The following CSMD1 variants were observed in gnomAD, a reference collection of about 807,000 sequenced individuals.
The protein encoded by CSMD1 is CUB and Sushi multiple domains 1, also known as CUB and sushi domain-containing protein 1.
A neutral mutation model predicts 417.5 loss-of-function variants in CSMD1; 213 were observed. That is an observed-to-expected ratio of 0.51 (90% CI 0.46 to 0.57). The LOEUF (loss-of-function observed/expected upper bound fraction) is 0.57, where lower values mean the gene tolerates loss of function less well. CSMD1 is among the 20% of genes least tolerant of loss of function. CSMD1 has a pLI of 0.00. For synonymous variants in CSMD1, 2,862 were observed against 1,736.8 expected (o/e 1.65, Z -16.11); for missense variants, 6,923 against 4,529.7 (o/e 1.53, Z -15.17).
chr8:4,660,404 A>G (rs551899077), intron 1 of CSMD1, among the ~76,000 whole-genome samples: 2 of 152,262 alleles, frequency 1.3e-5, no homozygotes, highest in South Asian at 4.1e-4. Context: ...ATTAAGCAAG[A>G]TACCATGTCA....
intron 7 of CSMD1, among the ~76,000 whole-genome samples, chr8:3,631,715 C>T (rs949868932): frequency 5.3e-5 from 8 of 152,114 alleles, no homozygotes; most frequent in Non-Finnish European, 1.2e-4. Context: ...TTTTACTGTT[C>T]GAGAAAAACT....
At chr8:4,383,904 A>C (rs552868660) in intron 3 of CSMD1, among the ~76,000 whole-genome samples, 132 of 152,204 alleles carry the variant, frequency 8.7e-4, no homozygotes, top group Non-Finnish European at 1.2e-3. Flanking sequence ...AGATACTCAT[A>C]AATGTTTATA....
At chr8:4,078,500 G>C (rs1030813931) in intron 3 of CSMD1, among the ~76,000 whole-genome samples, 1 of 151,614 alleles carries the variant, frequency 6.6e-6, no homozygotes, top group African/African-American at 2.4e-5. Flanking sequence ...TCCTGACCTT[G>C]TGATCTGCCC....
At position 4,637,349 on chromosome 8, in the gene CSMD1, T is replaced by G; in HGVS notation, c.295A>C (p.Lys99Gln). ...YDGQPQQGNL[K>Q]VRLSGFQLPS... ...AAAAAGTTGATACCTTACCTCACTT[T>G]TAAATTCCCTTGTTGAGGCTGTCCA... Residue 99 changes from lysine (K) to glutamine (Q), a missense_variant, in exon 2 of 70, where the codon AAA (lysine) becomes CAA (glutamine). Transcript: ENST00000635120. 6.2e-7 allele frequency: 1 copy of G among 1,612,736 alleles called. No homozygotes were observed.
intron 10 of CSMD1, among the ~76,000 whole-genome samples, chr8:3,571,966 C>A (rs981467602): frequency 6.6e-6 from 1 of 152,126 alleles, no homozygotes; most frequent in Non-Finnish European, 1.5e-5. Flanking sequence ...CTCGTGGATC[C>A]CCCTAAAGCG....
intron 3 of CSMD1, among the ~76,000 whole-genome samples, chr8:4,293,348 A>G (rs1231292638): frequency 1.3e-5 from 2 of 152,230 alleles, no homozygotes; most frequent in Non-Finnish European, 2.9e-5. Flanking sequence ...AAATATTAAT[A>G]TCTTACTAGT....
chr8:3,666,334 T>C (rs1439949506), intron 7 of CSMD1, among the ~76,000 whole-genome samples: 4 of 152,354 alleles, frequency 2.6e-5, no homozygotes, highest in East Asian at 3.9e-4. Flanking sequence ...GCAACTTAAA[T>C]GATATAAACG....
chr8:4,629,023 G>T (rs1410026036), intron 2 of CSMD1, among the ~76,000 whole-genome samples: 1 of 152,082 alleles, frequency 6.6e-6, no homozygotes, highest in African/African-American at 2.4e-5. Context: ...ATGGTAATTT[G>T]TATTGTAGAG....
chr8:4,787,143 A>G (rs1797442460), intron 1 of CSMD1, among the ~76,000 whole-genome samples: 1 of 152,190 alleles, frequency 6.6e-6, no homozygotes, highest in Admixed American at 6.5e-5. Flanking sequence ...CTATCCGCCT[A>G]TACCCCTCCG....
intron 3 of CSMD1, among the ~76,000 whole-genome samples, chr8:4,152,156 A>G (rs565044337): frequency 6.6e-6 from 1 of 152,286 alleles, no homozygotes; most frequent in South Asian, 2.1e-4. Flanking sequence ...TTGAAATTGG[A>G]TAATTTATAA....
intron 7 of CSMD1, among the ~76,000 whole-genome samples, chr8:3,676,247 A>G (rs1799369317): frequency 6.6e-6 from 1 of 152,172 alleles, no homozygotes; most frequent in African/African-American, 2.4e-5. Flanking sequence ...TCAGACATGT[A>G]CAGTTTTGAT....
chr8:3,024,551 C>T (rs992736544), intron 51 of CSMD1, among the ~76,000 whole-genome samples: 2 of 152,214 alleles, frequency 1.3e-5, no homozygotes, highest in Non-Finnish European at 2.9e-5. Context: ...AGGTGATCCA[C>T]TCGCCTTGGC....
intron 5 of CSMD1, among the ~76,000 whole-genome samples, chr8:3,798,388 C>G (rs1358125283): frequency 6.6e-6 from 1 of 151,942 alleles, no homozygotes; most frequent in Non-Finnish European, 1.5e-5. Flanking sequence ...TTAATTGGGT[C>G]TCTTATATGC....
intron 1 of CSMD1, among the ~76,000 whole-genome samples, chr8:4,972,156 G>C (rs918697762): frequency 1.3e-5 from 2 of 152,182 alleles, no homozygotes; most frequent in African/African-American, 4.8e-5. Context: ...GTAGAAATGA[G>C]ACCACACACG....
intron 30 of CSMD1, among the ~76,000 whole-genome samples, chr8:3,210,028 G>C (rs1481399656): frequency 1.3e-5 from 2 of 152,074 alleles, no homozygotes; most frequent in Non-Finnish European, 2.9e-5. Context: ...CGAATAACCA[G>C]GAAAAACATT....
chr8:3,043,319 A>G (rs192549983), intron 50 of CSMD1, among the ~76,000 whole-genome samples: 1 of 151,662 alleles, frequency 6.6e-6, no homozygotes, highest in East Asian at 1.9e-4. Flanking sequence ...GGTGATATAT[A>G]TAGTATATAA....
At chr8:3,835,286 C>G (rs915146328) in intron 5 of CSMD1, among the ~76,000 whole-genome samples, 1 of 152,042 alleles carries the variant, frequency 6.6e-6, no homozygotes, top group South Asian at 2.1e-4. Flanking sequence ...TACTGCGGCA[C>G]TATTCACAAT....
In CSMD1 at chr8:3,415,388, C is replaced by T. The variant is rs192210842; in HGVS notation, c.1562-5783G>A. ...CATTTATTTATTTGAAATGGAGCCTCGCTCTGTCACCCAGGCTGGAGTGCA... is the reference window on the plus strand; with the variant it reads ...CATTTATTTATTTGAAATGGAGCCTTGCTCTGTCACCCAGGCTGGAGTGCA... On this transcript the variant is annotated intron_variant, in intron 12 of 69. Transcript: ENST00000635120. Among the ~76,000 whole-genome samples the T allele has an allele frequency of 5.3e-5, 8 of 152,306 alleles. No homozygotes were observed. In the East Asian group the frequency reaches 5.8e-4, roughly 11 times the overall value.
intron 1 of CSMD1, among the ~76,000 whole-genome samples, chr8:4,897,711 T>A (rs977925925): frequency 5.3e-5 from 8 of 152,162 alleles, no homozygotes; most frequent in Admixed American, 4.6e-4. Context: ...AAATACATTC[T>A]ATCTGCGTAT....
Sources: allele counts gnomAD v4.1 joint callset (sites outside exome capture counted in the v4.1 genomes callset), GRCh38; gene constraint gnomAD v4.1.1; transcripts MANE v1.5; gene names NCBI Gene and HGNC (gene_info 2026-07-23, HGNC 2026-07-21).